Variants in HTR2C observed in about 807,000 individuals in gnomAD.
HTR2C encodes the protein 5-hydroxytryptamine (serotonin) receptor 2C, G protein-coupled.
In HTR2C, 5 loss-of-function variants were observed where a neutral mutation model predicts 21.0. The observed-to-expected ratio is 0.24, with a 90% confidence interval of 0.12 to 0.50. The LOEUF is 0.50. Among genes scored for constraint, HTR2C ranks in the 20% least tolerant of loss-of-function variants. The pLI is 0.98. For synonymous variants in HTR2C, 150 were observed against 145.3 expected (o/e 1.03, Z -0.23); for missense variants, 271 against 371.2 (o/e 0.73, Z 2.22).
chrX:114,854,917 C>T (rs1482370572), intron 5 of HTR2C, among the ~76,000 whole-genome samples: 3 of 111,525 alleles, frequency 2.7e-5, no homozygotes, highest in Non-Finnish European at 5.7e-5. Flanking sequence ...ACAGACATGA[C>T]CAAACATTTT....
intron 5 of HTR2C, among the ~76,000 whole-genome samples, chrX:114,853,151 A>G (rs2070932942): frequency 9.0e-6 from 1 of 111,631 alleles, no homozygotes; most frequent in South Asian, 3.7e-4. Context: ...GCTGAAGTTC[A>G]TATGATTAAA....
intron 4 of HTR2C, among the ~76,000 whole-genome samples, chrX:114,829,573 C>A (rs782805235): frequency 9.0e-6 from 1 of 111,021 alleles, no homozygotes; most frequent in African/African-American, 3.3e-5. Context: ...TAAGATTTAC[C>A]CCTGTGTCCT....
At chrX:114,698,439 AACACACACAC>A (rs1238584989) in intron 2 of HTR2C, among the ~76,000 whole-genome samples, 1 of 43,008 alleles carries the variant, frequency 2.3e-5, no homozygotes, top group African/African-American at 6.5e-5. Flanking sequence ...CACAGGCACA[AACACACACAC>A]ACACACACAA....
chrX:114,739,322 GT>G (rs1424886031), intron 4 of HTR2C, among the ~76,000 whole-genome samples: 8 of 111,442 alleles, frequency 7.2e-5, no homozygotes, highest in African/African-American at 2.6e-4. Flanking sequence ...ATTAATTAGA[GT>G]TATAAAAACT....
At chrX:114,735,140 C>T (rs1428546260) in intron 4 of HTR2C, among the ~76,000 whole-genome samples, 1 of 109,768 alleles carries the variant, frequency 9.1e-6, no homozygotes, top group Non-Finnish European at 1.9e-5. Flanking sequence ...TTAGTAGAGA[C>T]CCAGTATCTA....
At chrX:114,590,109 T>C (rs1184872093) in intron 1 of HTR2C, among the ~76,000 whole-genome samples, 2 of 111,822 alleles carry the variant, frequency 1.8e-5, no homozygotes, top group Non-Finnish European at 3.8e-5. Context: ...AAATAGGTGC[T>C]ATAAAAAGTA....
intron 3 of HTR2C, 98 bp from the exon 4 acceptor site, chrX:114,731,196 C>T (rs782728985): frequency 1.2e-4 from 61 of 512,325 alleles, no homozygotes; most frequent in Non-Finnish European, 1.8e-4. Context: ...ATAATGATGA[C>T]AATGATCCAT....
At chrX:114,778,300 G>T (rs1470020155) in intron 4 of HTR2C, among the ~76,000 whole-genome samples, 6 of 111,635 alleles carry the variant, frequency 5.4e-5, no homozygotes, top group African/African-American at 2.0e-4. Context: ...CACATTAGCA[G>T]GGAAATAGCA....
At chrX:114,819,742 T>C (rs1017891947) in intron 4 of HTR2C, among the ~76,000 whole-genome samples, 10 of 112,482 alleles carry the variant, frequency 8.9e-5, no homozygotes, top group Non-Finnish European at 1.9e-4. Context: ...TTATAGCTTG[T>C]GGAACACGGG....
At chrX:114,606,640 G>A (rs1556396977) in intron 1 of HTR2C, among the ~76,000 whole-genome samples, 2 of 111,741 alleles carry the variant, frequency 1.8e-5, no homozygotes, top group Admixed American at 1.9e-4. Context: ...AGAAGAGGCC[G>A]TTTACCTGAT....
At chrX:114,593,137 G>C (rs941208691) in intron 1 of HTR2C, among the ~76,000 whole-genome samples, 37 of 111,996 alleles carry the variant, frequency 3.3e-4, no homozygotes, top group African/African-American at 1.1e-3. Context: ...AAGACTACTG[G>C]CCATATTTTA....
intron 5 of HTR2C, among the ~76,000 whole-genome samples, chrX:114,853,819 G>A (rs1257224825): frequency 9.0e-6 from 1 of 111,635 alleles, no homozygotes; most frequent in East Asian, 2.8e-4. Context: ...ATTACTGAAA[G>A]TTTAATTTTC....
chrX:114,605,293 A>G (rs1459132125), intron 1 of HTR2C, among the ~76,000 whole-genome samples: 1 of 111,277 alleles, frequency 9.0e-6, no homozygotes, highest in Non-Finnish European at 1.9e-5. Flanking sequence ...TGATAAAAAG[A>G]TTATAGGGTG....
At chrX:114,584,701 A>G (rs1451949549) in intron 1 of HTR2C, 42 bp downstream of exon 1, 1 of 109,216 alleles carries the variant, frequency 9.2e-6, no homozygotes, top group Non-Finnish European at 1.9e-5. Flanking sequence ...CGAGACCCCA[A>G]CGATTTAGGC....
intron 2 of HTR2C, among the ~76,000 whole-genome samples, chrX:114,695,679 G>A (rs996882066): frequency 1.8e-5 from 2 of 111,622 alleles, no homozygotes; most frequent in Non-Finnish European, 3.8e-5. Flanking sequence ...TTCCCATTCA[G>A]TAGTAAACAC....
In HTR2C at chrX:114,848,091, C is replaced by T. The variant is rs2070888339; in HGVS notation, c.438C>T (p.Cys146=). 1 of 1,207,664 alleles carries T rather than the reference C, an allele frequency of 8.3e-7. No homozygotes were observed. Among genetic ancestry groups the T allele is most frequent in the Non-Finnish European group, 1.1e-6 (1 of 891,746 alleles). ...CAACAGCGTCCATCATGCACCTCTG[C>T]GCTATATCGCTGGATCGGTATGTAG... is the stretch of plus-strand genomic sequence containing the variant. ...LFSTASIMHL[C]AISLDRYVAI... is the part of the protein sequence containing the mutation. The change falls in exon 5 of 6, where the codon TGC becomes TGT. Residue 146 remains cysteine (C), a synonymous_variant. Coordinates refer to ENST00000276198, the MANE Select transcript of HTR2C (RefSeq NM_000868.4).
At chrX:114,746,813 G>A (rs185313164) in intron 4 of HTR2C, among the ~76,000 whole-genome samples, 21 of 110,661 alleles carry the variant, frequency 1.9e-4, no homozygotes, top group East Asian at 1.7e-3. Flanking sequence ...GTGAAACTCC[G>A]TCTCTACTAA....
chrX:114,760,156 A>G (rs1258759516), intron 4 of HTR2C, among the ~76,000 whole-genome samples: 2 of 111,593 alleles, frequency 1.8e-5, no homozygotes, highest in African/African-American at 6.5e-5. Context: ...AGAAATGTTA[A>G]CTATTTAAGT....
chrX:114,880,936 A>G (rs1222175030), intron 5 of HTR2C, among the ~76,000 whole-genome samples: 1 of 111,131 alleles, frequency 9.0e-6, no homozygotes, highest in Non-Finnish European at 1.9e-5. Context: ...GTATATAACT[A>G]GAGAATTTCT....
Sources: gnomAD v4.1 joint callset for allele counts (sites outside exome capture counted in the v4.1 genomes callset) on GRCh38, gnomAD v4.1.1 for gene constraint, MANE v1.5 for transcripts, NCBI Gene and HGNC (gene_info 2026-07-23, HGNC 2026-07-21) for gene names.